Variants in TSGA10 observed in about 807,000 individuals in gnomAD.
TSGA10 encodes testis-specific gene 10 protein.
In TSGA10, 43 loss-of-function variants were observed where a neutral mutation model predicts 96.6. The ratio of observed to expected loss-of-function variants is 0.44; its 90% CI spans 0.35 to 0.57. The LOEUF (loss-of-function observed/expected upper bound fraction) is 0.57. Among genes scored for constraint, TSGA10 ranks in the 20% least tolerant of loss-of-function variants. TSGA10 has a pLI of 0.01. For missense variants in TSGA10, 703 were observed against 834.4 expected (o/e 0.84, Z 1.94); for synonymous variants, 229 against 269.9 (o/e 0.85, Z 1.48).
chr2:99,077,513 TAGAAAATAATATCAGTATCTC>T (rs2086862004), intron 12 of TSGA10, among the ~76,000 whole-genome samples: 1 of 152,188 alleles, frequency 6.6e-6, no homozygotes, highest in Admixed American at 6.5e-5. Flanking sequence ...GTTTATAAGC[TAGAAAATAATATCAGTATCTC>T]TGCCTTGTTG....
chr2:99,113,368 G>A (rs990133075), intron 4 of TSGA10, among the ~76,000 whole-genome samples: 1 of 152,108 alleles, frequency 6.6e-6, no homozygotes, highest in African/African-American at 2.4e-5. Context: ...TTGTTGGCTG[G>A]GGGAGAGGGG....
intron 10 of TSGA10, 39 bp from the exon 11 acceptor site, chr2:99,081,436 T>G (rs774596887): frequency 2.3e-6 from 3 of 1,291,294 alleles, no homozygotes; most frequent in African/African-American, 3.0e-5. Flanking sequence ...TCTGAAATTT[T>G]TGTTTTGTCA....
At chr2:99,000,991 C>T (rs2077850351) in intron 20 of TSGA10, among the ~76,000 whole-genome samples, 1 of 152,168 alleles carries the variant, frequency 6.6e-6, no homozygotes, top group Non-Finnish European at 1.5e-5. Context: ...CGGGTGGAGC[C>T]CACCACAGCT....
At chr2:99,050,845 G>A (rs1279270297) in intron 16 of TSGA10, among the ~76,000 whole-genome samples, 1 of 152,014 alleles carries the variant, frequency 6.6e-6, no homozygotes, top group Non-Finnish European at 1.5e-5. Flanking sequence ...GGTCAATGAT[G>A]GACCAGCACA....
intron 12 of TSGA10, among the ~76,000 whole-genome samples, chr2:99,076,453 CATG>C (rs2086708269): frequency 6.6e-6 from 1 of 152,010 alleles, no homozygotes; most frequent in East Asian, 1.9e-4. Flanking sequence ...CCTCTATATC[CATG>C]ATGATAGATC....
At chr2:99,143,633 G>C (rs938290048) in intron 1 of TSGA10, among the ~76,000 whole-genome samples, 2 of 151,678 alleles carry the variant, frequency 1.3e-5, no homozygotes, top group African/African-American at 4.8e-5. Flanking sequence ...ACCATGCCCA[G>C]CTAATTTTTG....
At position 99,068,888 on chromosome 2, in the gene TSGA10, T is replaced by G. The variant is rs1010818121; in HGVS notation, c.1218A>C (p.Glu406Asp). The change falls in exon 15 of 21, where the codon GAA (glutamate) becomes GAC (aspartate). Residue 406 changes from glutamate to aspartate, a missense_variant and splice_region_variant. This residue lies in a region of TSGA10 where 585 missense variants were observed against 656.8 expected (regional missense o/e 0.89). Coordinates refer to ENST00000393483, the MANE Select transcript of TSGA10 (RefSeq NM_025244.4). ...VNKLKNILKS[E>D]ESENRQMMEQ... ...GCAAAAAGAAAAAAAAAATACATAC[T>G]TCAGACTTTAATATATTCTTCAGCT... 3.6e-6 allele frequency: 5 copies of G among 1,401,326 alleles called. No individual in the cohort carries two copies. Among genetic ancestry groups the G allele is most frequent in the African/African-American group, 1.5e-5 (1 of 66,586 alleles). 86.8% of individuals were successfully genotyped at this position (1,401,326 alleles called of 1,614,324 possible).
intron 12 of TSGA10, among the ~76,000 whole-genome samples, chr2:99,074,789 T>C (rs562982671): frequency 1.3e-5 from 2 of 151,996 alleles, no homozygotes; most frequent in Non-Finnish European, 1.5e-5. Context: ...TGAAACCCCA[T>C]CTCTACTGAA....
intron 20 of TSGA10, among the ~76,000 whole-genome samples, chr2:99,006,401 A>G (rs2078476420): frequency 6.6e-6 from 1 of 152,216 alleles, no homozygotes; most frequent in African/African-American, 2.4e-5. Context: ...TCATCTGACA[A>G]AGGGCTAATA....
chr2:99,078,619 A>C (rs1409388888), intron 12 of TSGA10, 40 bp downstream of exon 12: 8 of 1,560,608 alleles, frequency 5.1e-6, no homozygotes, highest in Non-Finnish European at 5.2e-6. Context: ...TTAACATTTC[A>C]TTTAAACGTT....
chr2:99,005,629 A>C (rs1270551467), intron 20 of TSGA10, among the ~76,000 whole-genome samples: 1 of 152,226 alleles, frequency 6.6e-6, no homozygotes, highest in Non-Finnish European at 1.5e-5. Flanking sequence ...ACCACTGCTC[A>C]ATGAAATAAA....
chr2:99,113,638 C>T (rs567012542), intron 4 of TSGA10, among the ~76,000 whole-genome samples: 2 of 152,256 alleles, frequency 1.3e-5, no homozygotes, highest in African/African-American at 2.4e-5. Context: ...CTCTGCCTCC[C>T]GGGATCAAGC....
chr2:99,120,329 G>A (rs1204560148), intron 2 of TSGA10, among the ~76,000 whole-genome samples: 1 of 152,172 alleles, frequency 6.6e-6, no homozygotes, highest in African/African-American at 2.4e-5. Context: ...GCAGTCTGGA[G>A]TAACACAAAG....
intron 2 of TSGA10, among the ~76,000 whole-genome samples, chr2:99,122,604 T>C (rs1205477199): frequency 3.3e-5 from 3 of 91,664 alleles, no homozygotes; most frequent in East Asian, 3.5e-4. Context: ...ATGGCAAAAC[T>C]CCATCTCTAC....
In TSGA10 at chr2:99,109,569, G is replaced by GA. The variant is rs1192157255; in HGVS notation, c.-73-58dup. 8.0e-6 allele frequency: 11 copies of GA among 1,370,634 alleles called. No individual in the cohort carries two copies. In the African/African-American group the frequency reaches 1.5e-4, roughly 18 times the overall value. The allele number at this position is 1,370,634 out of a possible 1,614,324, so 84.9% of individuals were successfully genotyped here. On this transcript the variant is annotated intron_variant, in intron 5 of 20. Transcript: ENST00000393483. ...TATCTAAAATTATCTTGCCAAAGAG[G>GA]AAAAAATTAGACCATTATTTCAAGC...
At chr2:99,032,972 G>A (rs1043337544) in intron 17 of TSGA10, among the ~76,000 whole-genome samples, 5 of 152,164 alleles carry the variant, frequency 3.3e-5, no homozygotes, top group Non-Finnish European at 5.9e-5. Context: ...TGTTATGTGC[G>A]CTTTTGTTGC....
At chr2:99,058,963 G>C (rs1376722175) in intron 16 of TSGA10, among the ~76,000 whole-genome samples, 1 of 150,360 alleles carries the variant, frequency 6.7e-6, no homozygotes, top group Non-Finnish European at 1.5e-5. Flanking sequence ...CTTGACCCAG[G>C]AGATGGAGGT....
At chr2:99,145,444 A>C (rs1461485761) in intron 1 of TSGA10, among the ~76,000 whole-genome samples, 1 of 152,060 alleles carries the variant, frequency 6.6e-6, no homozygotes, top group Non-Finnish European at 1.5e-5. Context: ...CTGTAATCCC[A>C]GCTACTTGGG....
rs547184046 is a variant in TSGA10, at chr2:98,999,296, C to T, written c.2073-1075G>A. On this transcript the variant is annotated intron_variant, in intron 20 of 20. Transcript: ENST00000393483. The stretch of plus-strand genomic sequence containing the variant: ...ATGTGACAACTACTAATACATGCAA[C>T]AACCTGGATAAATCTGAAATATATT... 2.3e-4 allele frequency among the ~76,000 whole-genome samples: 35 copies of T among 152,272 alleles called. No homozygotes were observed. The East Asian group carries it at 6.6e-3, about 29-fold the overall frequency.
Sources: allele counts gnomAD v4.1 joint callset (sites outside exome capture counted in the v4.1 genomes callset), GRCh38; gene constraint gnomAD v4.1.1; regional missense constraint gnomAD v4.1.1; transcripts MANE v1.5; gene names NCBI Gene and HGNC (gene_info 2026-07-23, HGNC 2026-07-21).